RFTN2: variants seen among roughly 807,000 people sequenced by gnomAD.
RFTN2 encodes raftlin-2.
A neutral mutation model predicts 52.7 loss-of-function variants in RFTN2; 34 were observed. That is an observed-to-expected ratio of 0.64 (90% CI 0.49 to 0.86). RFTN2 has a LOEUF of 0.86. Among genes scored for constraint, RFTN2 ranks in the 40% least tolerant of loss-of-function variants. RFTN2 has a pLI of 0.00. For missense variants in RFTN2, 536 were observed against 600.1 expected (o/e 0.89, Z 1.12); for synonymous variants, 203 against 217.7 (o/e 0.93, Z 0.59).
At chr2:197,621,247 A>G (rs2088258794) in intron 5 of RFTN2, among the ~76,000 whole-genome samples, 1 of 152,018 alleles carries the variant, frequency 6.6e-6, no homozygotes, top group Non-Finnish European at 1.5e-5. Context: ...ATAGTTAATT[A>G]TAATCTCCTT....
chr2:197,584,458 G>GT (rs2087564701), intron 8 of RFTN2, among the ~76,000 whole-genome samples: 1 of 152,020 alleles, frequency 6.6e-6, no homozygotes, highest in Non-Finnish European at 1.5e-5. Flanking sequence ...TTTTGATAGG[G>GT]TTGTTTTTTT....
rs1240660691 is a variant in RFTN2 at position 197,646,508 on chromosome 2, C to G, written c.298G>C (p.Val100Leu). ...KHLPASYLYRVVLLRLKLSPK... is the reference protein window; with the variant it reads ...KHLPASYLYRLVLLRLKLSPK... Reference sequence around the variant, plus strand: ...CTTAATTTCAAGCGCAATAGCACCACTCTGTATAGGTAACTTGCAGGTAGG... The same window carrying G: ...CTTAATTTCAAGCGCAATAGCACCAGTCTGTATAGGTAACTTGCAGGTAGG... Residue 100 changes from valine to leucine, a missense_variant, in exon 2 of 9, where the codon GTG becomes CTG. By Grantham distance (32) the Val-to-Leu change is conservative. Coordinates refer to ENST00000295049, the MANE Select transcript of RFTN2 (RefSeq NM_144629.3). The G allele has an allele frequency of 3.7e-6, 6 of 1,614,018 alleles. No homozygotes were observed. The highest frequency in any genetic ancestry group is 4.2e-6 in the Non-Finnish European group (5 of 1,180,010).
At chr2:197,665,517 C>CTTTTTTGTTTTTTTT (rs2089039635) in intron 1 of RFTN2, among the ~76,000 whole-genome samples, 1 of 41,496 alleles carries the variant, frequency 2.4e-5, no homozygotes, top group African/African-American at 1.4e-4. Context: ...TGTACCTTGC[C>CTTTTTTGTTTTTTTT]TTTTTTTTTT....
chr2:197,654,060 T>G (rs2088859471), intron 1 of RFTN2, among the ~76,000 whole-genome samples: 1 of 152,218 alleles, frequency 6.6e-6, no homozygotes, highest in Non-Finnish European at 1.5e-5. Context: ...AGCTAGATAA[T>G]GTTATTTGCC....
chr2:197,644,551 AT>A (rs573677505), intron 2 of RFTN2, among the ~76,000 whole-genome samples: 360 of 152,344 alleles, frequency 2.4e-3, no homozygotes, highest in Non-Finnish European at 4.0e-3. Context: ...ATAAGAAATA[AT>A]TTTAGATTGT....
intron 7 of RFTN2, among the ~76,000 whole-genome samples, chr2:197,596,372 T>G (rs2106188241): frequency 6.6e-6 from 1 of 152,320 alleles, no homozygotes; most frequent in Middle Eastern, 3.4e-3. Flanking sequence ...TTCATTTCTT[T>G]GTTTCCCCTC....
Position 197,570,556 on chromosome 2 carries a change from A to G in RFTN2, c.*1452T>C, listed in dbSNP as rs11694913. 37,005 of 152,156 alleles carry G rather than the reference A, an allele frequency of 0.24. 5,827 individuals carry two copies. The highest frequency in any genetic ancestry group is 0.45 in the East Asian group (2,325 of 5,162). The allele number at this position is 152,156 out of a possible 1,614,324, so 9.4% of individuals were successfully genotyped here. The stretch of plus-strand genomic sequence containing the variant: ...ATCCTGGCCAACATGGTGAAACCCC[A>G]TCTCTACTAAAAATACAAAAATTAG... On this transcript the variant is annotated 3_prime_UTR_variant, in exon 9 of 9. Coordinates refer to ENST00000295049, the MANE Select transcript of RFTN2 (RefSeq NM_144629.3).
rs756511761 is a variant in RFTN2 at position 197,631,110 on chromosome 2, T to C, written c.829A>G (p.Ile277Val). The stretch of plus-strand genomic sequence containing the variant: ...AGCCAATCAGCATCAAGTGTACTAA[T>C]GACTGATCCTTTTCTTGTTACTTTC... ...SMKVTRKGSV[I>V]STLDADWLEL... The change falls in exon 5 of 9, where the codon ATT becomes GTT. Residue 277 changes from isoleucine to valine, a missense_variant. Physicochemically the swap from Ile to Val is conservative, Grantham distance 29. Coordinates refer to ENST00000295049, the MANE Select transcript of RFTN2 (RefSeq NM_144629.3). The C allele has an allele frequency of 1.1e-5, 17 of 1,612,478 alleles. No homozygotes were observed. The East Asian group carries it at 3.1e-4, about 30-fold the overall frequency.
At chr2:197,579,726 C>T (rs2087474546) in intron 8 of RFTN2, among the ~76,000 whole-genome samples, 1 of 152,082 alleles carries the variant, frequency 6.6e-6, no homozygotes, top group African/African-American at 2.4e-5. Context: ...TTCAATCTTT[C>T]TCTTCTACCG....
chr2:197,597,059 A>T (rs1034391594), intron 7 of RFTN2, among the ~76,000 whole-genome samples: 2 of 152,180 alleles, frequency 1.3e-5, no homozygotes, highest in Admixed American at 1.3e-4. Context: ...TTTTATGCTG[A>T]GCCCTTTTTC....
At chr2:197,611,056 A>T (rs567069099) in intron 7 of RFTN2, among the ~76,000 whole-genome samples, 1 of 152,230 alleles carries the variant, frequency 6.6e-6, no homozygotes, top group South Asian at 2.1e-4. Flanking sequence ...TTCATCAGGG[A>T]TATTGGCCTA....
intron 5 of RFTN2, among the ~76,000 whole-genome samples, chr2:197,623,037 T>C (rs1468169569): frequency 6.6e-6 from 1 of 152,258 alleles, no homozygotes; most frequent in East Asian, 1.9e-4. Context: ...TCATGCCTGC[T>C]AACACAACAT....
intron 7 of RFTN2, among the ~76,000 whole-genome samples, chr2:197,597,010 T>C (rs2087802452): frequency 6.6e-6 from 1 of 152,142 alleles, no homozygotes; most frequent in South Asian, 2.1e-4. Context: ...CGACTTTTAT[T>C]ATGCAAAAAA....
chr2:197,610,745 G>C (rs2088043704), intron 7 of RFTN2, among the ~76,000 whole-genome samples: 1 of 152,140 alleles, frequency 6.6e-6, no homozygotes, highest in Admixed American at 6.5e-5. Flanking sequence ...TATTGGCTGT[G>C]GGTTTGTCAC....
At chr2:197,669,678 T>A (rs565485395) in intron 1 of RFTN2, among the ~76,000 whole-genome samples, 1 of 152,178 alleles carries the variant, frequency 6.6e-6, no homozygotes, top group African/African-American at 2.4e-5. Flanking sequence ...CCTATGAGAA[T>A]CCAATGCCGT....
rs538782570 is a variant in RFTN2, at chr2:197,635,199, T to G, written c.439-1202A>C. Among the ~76,000 whole-genome samples the G allele has an allele frequency of 8.0e-4, 121 of 152,194 alleles. 2 individuals carry two copies. The South Asian group carries it at 0.011, about 13-fold the overall frequency. On this transcript the variant is annotated intron_variant, in intron 3 of 8. Coordinates refer to ENST00000295049, the MANE Select transcript of RFTN2 (RefSeq NM_144629.3). ...GTGAATAATGCCGCAATAAACATAC[T>G]TGTGCATGTGTCTTTATAGCAGCAT...
intron 8 of RFTN2, among the ~76,000 whole-genome samples, chr2:197,578,009 G>A (rs985073068): frequency 3.3e-5 from 5 of 152,072 alleles, no homozygotes; most frequent in East Asian, 1.9e-4. Flanking sequence ...GAGCCACCGC[G>A]CCCAGCCAGA....
intron 7 of RFTN2, among the ~76,000 whole-genome samples, chr2:197,602,382 TA>T (rs200981428): frequency 6.6e-6 from 1 of 152,126 alleles, no homozygotes. Context: ...ATAATTAAAT[TA>T]AAAAAATTTT....
intron 1 of RFTN2, among the ~76,000 whole-genome samples, chr2:197,667,423 T>A (rs2089077750): frequency 6.6e-6 from 1 of 152,258 alleles, no homozygotes; most frequent in African/African-American, 2.4e-5. Context: ...TGAATTCTCT[T>A]TCTGGAATTT....
Sources: allele counts gnomAD v4.1 joint callset (sites outside exome capture counted in the v4.1 genomes callset), GRCh38; gene constraint gnomAD v4.1.1; transcripts MANE v1.5; gene names NCBI Gene and HGNC (gene_info 2026-07-23, HGNC 2026-07-21).